Variants in UCHL5 observed in about 807,000 individuals in gnomAD.
The protein encoded by UCHL5 is ubiquitin C-terminal hydrolase L5.
In UCHL5, 34 loss-of-function variants were observed where a neutral mutation model predicts 53.8. The ratio of observed to expected loss-of-function variants is 0.63; its 90% CI spans 0.48 to 0.84. UCHL5 has a LOEUF of 0.84. Ranked by LOEUF, UCHL5 falls within the 40% of genes least tolerant of loss-of-function variation. The pLI is 0.00. For synonymous variants in UCHL5, 111 were observed against 126.3 expected (o/e 0.88, Z 0.81); for missense variants, 290 against 385.6 (o/e 0.75, Z 2.08).
upstream of UCHL5, chr1:193,060,042 G>A: frequency 1.5e-6 from 2 of 1,342,948 alleles, no homozygotes; most frequent in Non-Finnish European, 2.0e-6. Context: ...GCTCCTGCTT[G>A]TCGGCATCGC....
intron 3 of UCHL5, among the ~76,000 whole-genome samples, chr1:193,046,778 T>C (rs1420096024): frequency 6.7e-6 from 1 of 150,274 alleles, no homozygotes; most frequent in African/African-American, 2.4e-5. Context: ...TTTCAATAAA[T>C]GTTAACTAAT....
chr1:193,019,776 T>C (rs1656232724), intron 10 of UCHL5: 1 of 759,402 alleles, frequency 1.3e-6, no homozygotes, highest in Admixed American at 6.3e-5. Flanking sequence ...GTTCTTTTAC[T>C]TACTAATTTG....
rs1254622762 is a variant in UCHL5, at chr1:193,014,542, TATC to T, written c.*1806_*1808del. On this transcript the variant is annotated 3_prime_UTR_variant, in exon 11 of 11. Transcript: ENST00000367454. ...TGGCTAACCCCCCAAGTCACAAAAA[TATC>T]ATCTGTTTTCAGTTAAAAAGCTTCA... is the stretch of plus-strand genomic sequence containing the variant. 1.3e-5 allele frequency: 2 copies of T among 152,126 alleles called. No individual in the cohort carries two copies. Among genetic ancestry groups the T allele is most frequent in the Non-Finnish European group, 1.5e-5 (1 of 68,000 alleles). The allele number at this position is 152,126 out of a possible 1,614,324, so 9.4% of individuals were successfully genotyped here. A position where few individuals can be genotyped will look rare whatever the true frequency, so the allele number is the denominator to read the frequency against.
rs1654877235 is a variant in UCHL5 at position 193,016,215 on chromosome 1, T to C, written c.*136A>G. On this transcript the variant is annotated 3_prime_UTR_variant, in exon 11 of 11. Transcript: ENST00000367454. Reference sequence around the variant, plus strand: ...GGGAAGAAGTTTATGAATCCATGCATTAAAGACAAGACAGGCTGGCACTAT... The same window carrying C: ...GGGAAGAAGTTTATGAATCCATGCACTAAAGACAAGACAGGCTGGCACTAT... 2.2e-6 allele frequency: 2 copies of C among 918,074 alleles called. No homozygotes were observed. The highest frequency in any genetic ancestry group is 3.3e-6 in the Non-Finnish European group (2 of 599,102). The allele number at this position is 918,074 out of a possible 1,614,324, so 56.9% of individuals were successfully genotyped here. A position where few individuals can be genotyped will look rare whatever the true frequency, so the allele number is the denominator to read the frequency against.
rs563408002 is a variant in UCHL5, at chr1:193,021,704, A to G, written c.844-509T>C. On this transcript the variant is annotated intron_variant, in intron 9 of 10. Coordinates refer to ENST00000367454, the MANE Select transcript of UCHL5 (RefSeq NM_001199261.3). ...TGATTCTAGGCTTTTACTGCCACTGACCTATTATATATTCTGCCTGGTAGA... is the reference window on the plus strand; with the variant it reads ...TGATTCTAGGCTTTTACTGCCACTGGCCTATTATATATTCTGCCTGGTAGA... Among the ~76,000 whole-genome samples, 19 of 152,280 alleles carry G rather than the reference A, an allele frequency of 1.2e-4. No individual in the cohort carries two copies. In the South Asian group the frequency reaches 3.9e-3, roughly 32 times the overall value.
rs751461222 is a variant in UCHL5 at position 193,029,580 on chromosome 1, G to C, written c.324C>G (p.Gly108=). 6.2e-7 allele frequency: 1 copy of C among 1,613,222 alleles called. No individual in the cohort carries two copies. The highest frequency in any genetic ancestry group is 8.5e-7 in the Non-Finnish European group (1 of 1,179,666). ...LNCTHQDVHL[G]ETLSEFKEFS... Reference sequence around the variant, plus strand: ...ATTCTTTAAACTCTGATAATGTCTCGCCTAAATGGACATCCTGGTGGGTAC... The same window carrying C: ...ATTCTTTAAACTCTGATAATGTCTCCCCTAAATGGACATCCTGGTGGGTAC... The change falls in exon 4 of 11, where the codon GGC becomes GGG. Residue 108 remains glycine, a synonymous_variant. Transcript: ENST00000367454.
intron 3 of UCHL5, among the ~76,000 whole-genome samples, chr1:193,034,500 G>A (rs1480077621): frequency 6.6e-6 from 1 of 151,882 alleles, no homozygotes; most frequent in African/African-American, 2.4e-5. Context: ...GGATATACAG[G>A]TCAATTCTAC....
At chr1:193,035,056 G>A (rs1662865025) in intron 3 of UCHL5, among the ~76,000 whole-genome samples, 2 of 151,680 alleles carry the variant, frequency 1.3e-5, no homozygotes, top group Admixed American at 1.3e-4. Context: ...AAATAAATTA[G>A]AGTCAAAAGG....
chr1:193,033,521 TATATATATATA>T, intron 3 of UCHL5, among the ~76,000 whole-genome samples: 1 of 151,256 alleles, frequency 6.6e-6, no homozygotes, highest in Admixed American at 6.6e-5. Context: ...AAGTATACAA[TATATATATATA>T]TTAAGTTAAA....
intron 8 of UCHL5, among the ~76,000 whole-genome samples, 176 bp from the exon 9 acceptor site, chr1:193,023,212 A>G (rs938422861): frequency 1.3e-5 from 2 of 152,176 alleles, no homozygotes; most frequent in East Asian, 1.9e-4. Context: ...AGTACCTTCC[A>G]TATTTCTATG....
rs1392960184 is a variant in UCHL5, at chr1:193,059,323, C to A, written c.-63G>T. The stretch of plus-strand genomic sequence containing the variant: ...CTCAGCTGCCCCCCGCACCAGCTGC[C>A]GCCGGCCACAGATCTCAGCAAACCC... On this transcript the variant is annotated 5_prime_UTR_variant, in exon 1 of 11. Coordinates refer to ENST00000367454, the MANE Select transcript of UCHL5 (RefSeq NM_001199261.3). This position sits in a 1 kb window ranked among gnomAD's most constrained non-coding sequence, Gnocchi z 4.9. 1.2e-6 allele frequency: 2 copies of A among 1,607,322 alleles called. No homozygotes were observed. The highest frequency in any genetic ancestry group is 1.3e-5 in the African/African-American group (1 of 74,812).
chr1:193,027,067 G>A (rs1404986762), intron 7 of UCHL5, among the ~76,000 whole-genome samples: 1 of 152,166 alleles, frequency 6.6e-6, no homozygotes, highest in East Asian at 1.9e-4. Context: ...GGATTAAGAA[G>A]TAAAGGAAAG....
intron 10 of UCHL5, chr1:193,018,885 T>A: frequency 7.0e-7 from 1 of 1,434,328 alleles, no homozygotes; most frequent in Non-Finnish European, 9.4e-7. Flanking sequence ...TATAGGTAAT[T>A]TTTCTTAGAA....
At chr1:193,024,878 A>G (rs1658560422) in intron 7 of UCHL5, among the ~76,000 whole-genome samples, 1 of 152,160 alleles carries the variant, frequency 6.6e-6, no homozygotes, top group Non-Finnish European at 1.5e-5. Context: ...AATTTGAACT[A>G]TGTAAAAATG....
upstream of UCHL5, chr1:193,059,881 G>A: frequency 7.3e-7 from 1 of 1,365,242 alleles, no homozygotes. The surrounding 1 kb of genome is among the most constrained non-coding windows in gnomAD (Gnocchi z 4.9). Flanking sequence ...CAGGGGTTGA[G>A]GCTGGGCAAA....
chr1:193,022,064 A>T (rs886713853), intron 9 of UCHL5, among the ~76,000 whole-genome samples: 1 of 152,134 alleles, frequency 6.6e-6, no homozygotes, highest in Non-Finnish European at 1.5e-5. Context: ...ATCATGTGAA[A>T]TGGAAAATAA....
intron 3 of UCHL5, among the ~76,000 whole-genome samples, chr1:193,037,736 C>A (rs564322277): frequency 6.6e-6 from 1 of 152,064 alleles, no homozygotes; most frequent in African/African-American, 2.4e-5. Flanking sequence ...CAAATAGTAA[C>A]AAACCAAATT....
chr1:193,051,659 G>T, intron 2 of UCHL5, 95 bp downstream of exon 2: 1 of 663,326 alleles, frequency 1.5e-6, no homozygotes, highest in Non-Finnish European at 2.5e-6. Context: ...TCAACCTAGA[G>T]TAATCCAAGT....
Position 193,029,224 on chromosome 1 carries a change from T to G in UCHL5, c.520A>C (p.Arg174=), listed in dbSNP as rs1412594061. 1 of 1,613,660 alleles carries G rather than the reference T, an allele frequency of 6.2e-7. No homozygotes were observed. The highest frequency in any genetic ancestry group is 1.3e-5 in the African/African-American group (1 of 74,898). Residue 174 remains arginine, a synonymous_variant, in exon 6 of 11, where the codon AGA becomes CGA. Transcript: ENST00000367454. ...HFVSYVPVNG[R]LYELDGLREG... ...CTTAATCCATCTAATTCATACAGTC[T>G]CCCATTAACAGGAACATAACTGACA... is the stretch of plus-strand genomic sequence containing the variant.
Sources: gnomAD v4.1 joint callset for allele counts (sites outside exome capture counted in the v4.1 genomes callset) on GRCh38, gnomAD v4.1.1 for gene constraint, Gnocchi (gnomAD v3.1) non-coding constraint, MANE v1.5 for transcripts, NCBI Gene and HGNC (gene_info 2026-07-23, HGNC 2026-07-21) for gene names.